CSMD1: variants seen among roughly 807,000 people sequenced by gnomAD.
The protein encoded by CSMD1 is CUB and sushi domain-containing protein 1.
CSMD1 carries 213 observed loss-of-function variants against 417.5 expected under a neutral mutation model. The observed-to-expected ratio is 0.51, with a 90% CI of 0.46 to 0.57. CSMD1 has a LOEUF of 0.57. Ranked by LOEUF, CSMD1 falls within the 20% of genes least tolerant of loss-of-function variation. The probability of loss-of-function intolerance (pLI) is 0.00; values close to 1 mark genes in which losing one functional copy is unlikely to be tolerated. For synonymous variants in CSMD1, 2,862 were observed against 1,736.8 expected, an observed-to-expected ratio of 1.65 and a Z score of -16.11; for missense variants, 6,923 against 4,529.7, an observed-to-expected ratio of 1.53 and a Z score of -15.17.
At chr8:4,660,731 A>G (rs1444696409) in intron 1 of CSMD1, among the ~76,000 whole-genome samples, 1 of 152,128 alleles carries the variant, frequency 6.6e-6, no homozygotes, top group East Asian at 1.9e-4. Context: ...CATATTTGAC[A>G]AAGGACTAAC....
chr8:3,716,287 G>C (rs1445404251), intron 6 of CSMD1, among the ~76,000 whole-genome samples: 2 of 152,148 alleles, frequency 1.3e-5, no homozygotes, highest in Admixed American at 1.3e-4. Context: ...AGAATTCAGT[G>C]GGAGTCCACA....
chr8:4,090,247 G>A lies in CSMD1; in HGVS notation c.416-58148C>T, dbSNP rs535809534. 5.9e-5 allele frequency among the ~76,000 whole-genome samples: 9 copies of A among 152,294 alleles called. No homozygotes were observed. In the East Asian group the frequency reaches 7.7e-4, roughly 13 times the overall value. On this transcript the variant is annotated intron_variant, in intron 3 of 69. Transcript: ENST00000635120. ...TGGCTTGTTTTTGAGAAGTTATCAC[G>A]TAAGCCCTGTTGTCAAAGAGCTTAG... is the stretch of plus-strand genomic sequence containing the variant.
At chr8:4,562,323 G>C (rs754907845) in intron 2 of CSMD1, among the ~76,000 whole-genome samples, 6 of 152,146 alleles carry the variant, frequency 3.9e-5, no homozygotes, top group Non-Finnish European at 8.8e-5. Context: ...GTCAGTGGGA[G>C]GCCCCCAAGA....
chr8:4,528,636 T>C lies in CSMD1; in HGVS notation c.303-108571A>G, dbSNP rs543650928. Among the ~76,000 whole-genome samples the C allele has an allele frequency of 5.3e-4, 81 of 152,320 alleles. 1 individual carries two copies. The highest frequency in any genetic ancestry group is 1.8e-3 in the African/African-American group (76 of 41,582). On this transcript the variant is annotated intron_variant, in intron 2 of 69. Coordinates refer to ENST00000635120, the MANE Select transcript of CSMD1 (RefSeq NM_033225.6). Reference sequence around the variant, plus strand: ...AAATTTTAGTGTTGATGTATAGGTTTATGGCATAGATTGCAGCAATGGTTT... The same window carrying C: ...AAATTTTAGTGTTGATGTATAGGTTCATGGCATAGATTGCAGCAATGGTTT...
At chr8:4,793,265 G>T (rs1278051127) in intron 1 of CSMD1, among the ~76,000 whole-genome samples, 1 of 152,056 alleles carries the variant, frequency 6.6e-6, no homozygotes, top group Non-Finnish European at 1.5e-5. Flanking sequence ...CCTAATCTAT[G>T]TATTTGTTTT....
intron 7 of CSMD1, among the ~76,000 whole-genome samples, chr8:3,665,355 C>T (rs764192240): frequency 1.1e-4 from 16 of 152,050 alleles, no homozygotes; most frequent in Non-Finnish European, 1.5e-4. Context: ...TACGGCAACA[C>T]CCCATCTCTA....
intron 3 of CSMD1, among the ~76,000 whole-genome samples, chr8:4,253,850 T>G (rs1431362217): frequency 6.8e-6 from 1 of 148,116 alleles, no homozygotes; most frequent in Non-Finnish European, 1.5e-5. Context: ...GAGGTAACAA[T>G]ACATTTCCTG....
intron 3 of CSMD1, among the ~76,000 whole-genome samples, chr8:4,129,732 C>T (rs376090513): frequency 1.5e-4 from 23 of 151,944 alleles, no homozygotes; most frequent in African/African-American, 5.3e-4. Flanking sequence ...TTTTCTTGGG[C>T]CCTTTCAATC....
At chr8:4,029,108 T>A (rs1301696555) in intron 4 of CSMD1, among the ~76,000 whole-genome samples, 1 of 151,724 alleles carries the variant, frequency 6.6e-6, no homozygotes, top group Non-Finnish European at 1.5e-5. Flanking sequence ...GGTCAAGGAG[T>A]GTTTGTAATT....
chr8:4,532,068 C>A (rs1796846593), intron 2 of CSMD1, among the ~76,000 whole-genome samples: 2 of 149,794 alleles, frequency 1.3e-5, no homozygotes, highest in Admixed American at 1.3e-4. Flanking sequence ...AAATCCCGCA[C>A]CCTCATTCAC....
chr8:4,156,081 G>C (rs1040295802), intron 3 of CSMD1, among the ~76,000 whole-genome samples: 17 of 152,136 alleles, frequency 1.1e-4, no homozygotes, highest in Non-Finnish European at 2.5e-4. Context: ...GAATAGGGCT[G>C]GCTGGAGTTA....
chr8:3,778,501 C>T (rs1330741237), intron 5 of CSMD1, among the ~76,000 whole-genome samples: 1 of 152,240 alleles, frequency 6.6e-6, no homozygotes, highest in African/African-American at 2.4e-5. Flanking sequence ...CCATTGCCCC[C>T]ATCCCTACCT....
At position 3,772,394 on chromosome 8, in the gene CSMD1, TACAC is replaced by T. The variant is rs368171256; in HGVS notation, c.819-18356_819-18353del. On this transcript the variant is annotated intron_variant, in intron 5 of 69. Transcript: ENST00000635120. ...ATACATATATTCATATATTTATATATACACATATATACATATATTTATATATACA... is the reference window on the plus strand; with the variant it reads ...ATACATATATTCATATATTTATATATATATATACATATATTTATATATACA... Among the ~76,000 whole-genome samples, 23 of 46,332 alleles carry T rather than the reference TACAC, an allele frequency of 5.0e-4. 2 individuals carry two copies. Among genetic ancestry groups the T allele is most frequent in the Admixed American group, 1.9e-3 (8 of 4,104 alleles). 30.4% of individuals were successfully genotyped at this position (46,332 alleles called of 152,430 possible).
At chr8:4,751,745 G>T (rs1041361409) in intron 1 of CSMD1, among the ~76,000 whole-genome samples, 13 of 152,146 alleles carry the variant, frequency 8.5e-5, no homozygotes, top group African/African-American at 3.1e-4. Flanking sequence ...GTGGAGTTAG[G>T]AGCTTGGTGT....
intron 1 of CSMD1, among the ~76,000 whole-genome samples, chr8:4,800,352 A>C (rs1373307302): frequency 2.0e-5 from 3 of 151,050 alleles, no homozygotes; most frequent in Non-Finnish European, 4.4e-5. Flanking sequence ...GATTTCTTGA[A>C]CCTGGGAGGT....
intron 5 of CSMD1, among the ~76,000 whole-genome samples, chr8:3,761,338 A>G (rs569436710): frequency 1.3e-5 from 2 of 152,244 alleles, no homozygotes; most frequent in South Asian, 2.1e-4. Flanking sequence ...ATAGTTACCA[A>G]TATTTCTAGA....
At chr8:3,373,424 G>C (rs7825521) in intron 18 of CSMD1, 46,391 of 152,080 alleles carry the variant, frequency 0.31, 7,821 homozygotes, top group African/African-American at 0.47. Flanking sequence ...ACACAACGTA[G>C]TCCAATTCAG....
intron 1 of CSMD1, among the ~76,000 whole-genome samples, chr8:4,892,998 A>G (rs1347339107): frequency 1.3e-5 from 2 of 152,116 alleles, no homozygotes; most frequent in African/African-American, 2.4e-5. Flanking sequence ...GCACGGTGTG[A>G]TACTGCATCT....
intron 3 of CSMD1, among the ~76,000 whole-genome samples, chr8:4,391,466 A>G (rs1431167615): frequency 1.3e-5 from 2 of 152,140 alleles, no homozygotes; most frequent in Non-Finnish European, 2.9e-5. Context: ...CAGAGTACAT[A>G]TGAACATAGA....
Sources: allele counts gnomAD v4.1 joint callset (sites outside exome capture counted in the v4.1 genomes callset), GRCh38; gene constraint gnomAD v4.1.1; transcripts MANE v1.5; gene names NCBI Gene and HGNC (gene_info 2026-07-23, HGNC 2026-07-21).